The following EDA variants were observed in gnomAD, a reference collection of about 807,000 sequenced individuals.
The protein encoded by EDA is ectodysplasin A, also known as ectodysplasin-A.
Under a neutral mutation model 23.6 loss-of-function variants are expected in EDA, and 2 were observed. The observed-to-expected ratio is 0.08, with a 90% CI of 0.03 to 0.27. EDA has a LOEUF of 0.27. Among genes scored for constraint, EDA ranks in the 10% least tolerant of loss-of-function variants. EDA has a pLI of 1.00. For synonymous variants in EDA, 131 were observed against 132.0 expected (o/e 0.99, Z 0.05); for missense variants, 229 against 324.2 (o/e 0.71, Z 2.26).
At chrX:69,818,299 C>T (rs1343126758) in intron 1 of EDA, among the ~76,000 whole-genome samples, 1 of 111,134 alleles carries the variant, frequency 9.0e-6, no homozygotes, top group African/African-American at 3.3e-5. Context: ...CCTAACATCT[C>T]AACTAAAAGA....
intron 1 of EDA, among the ~76,000 whole-genome samples, chrX:69,765,829 G>A (rs2044854493): frequency 9.0e-6 from 1 of 111,011 alleles, no homozygotes; most frequent in Non-Finnish European, 1.9e-5. Context: ...CCATCACCAC[G>A]AAGATCTCTT....
At chrX:69,643,168 T>A (rs1361307568) in intron 1 of EDA, among the ~76,000 whole-genome samples, 3 of 110,504 alleles carry the variant, frequency 2.7e-5, no homozygotes, top group Non-Finnish European at 3.8e-5. Context: ...CCTCAACAAA[T>A]AATTATTACT....
At chrX:69,752,804 G>A (rs765501378) in intron 1 of EDA, among the ~76,000 whole-genome samples, 1 of 111,726 alleles carries the variant, frequency 9.0e-6, no homozygotes, top group South Asian at 3.8e-4. Flanking sequence ...TTTAGTCTTG[G>A]GAGGGTGTAT....
chrX:69,743,754 G>T (rs1349864639), intron 1 of EDA, among the ~76,000 whole-genome samples: 1 of 111,782 alleles, frequency 8.9e-6, no homozygotes, highest in Non-Finnish European at 1.9e-5. Flanking sequence ...AAGTAAATGT[G>T]TTCAATATCC....
chrX:69,963,706 C>G (rs2019136513), intron 2 of EDA, among the ~76,000 whole-genome samples: 1 of 111,890 alleles, frequency 8.9e-6, no homozygotes, highest in African/African-American at 3.2e-5. Flanking sequence ...ACTTGGTTAA[C>G]AAGCATTTTT....
chrX:69,707,417 T>C (rs1482415782), intron 1 of EDA, among the ~76,000 whole-genome samples: 3 of 112,063 alleles, frequency 2.7e-5, no homozygotes, highest in Non-Finnish European at 5.6e-5. Flanking sequence ...AGTGAGTGAG[T>C]TCATCAGATG....
Position 69,833,287 on chromosome X carries a change from G to A in EDA, c.397-123740G>A, listed in dbSNP as rs781299856. Among the ~76,000 whole-genome samples, 136 of 111,066 alleles carry A rather than the reference G, an allele frequency of 1.2e-3. 1 individual carries two copies. Among genetic ancestry groups the A allele is most frequent in the African/African-American group, 4.0e-3 (124 of 30,785 alleles). ...TTTGTCAAAGGCCTTTTCTGCATCT[G>A]TTGAGATAATCATGTGGTTTTTTTG... On this transcript the variant is annotated intron_variant, in intron 1 of 7. Coordinates refer to ENST00000374552, the MANE Select transcript of EDA (RefSeq NM_001399.5).
chrX:69,905,550 G>A (rs993628538), intron 1 of EDA, among the ~76,000 whole-genome samples: 1 of 111,209 alleles, frequency 9.0e-6, no homozygotes, highest in Non-Finnish European at 1.9e-5. Flanking sequence ...ATTGGGCCAT[G>A]ATGTTATGAT....
intron 1 of EDA, among the ~76,000 whole-genome samples, chrX:69,676,274 C>T (rs1021236123): frequency 7.2e-5 from 8 of 111,479 alleles, no homozygotes; most frequent in African/African-American, 2.6e-4. Context: ...TAGACTGTAG[C>T]AGGGCAAGGG....
At chrX:69,633,932 C>A (rs904595369) in intron 1 of EDA, among the ~76,000 whole-genome samples, 2 of 112,059 alleles carry the variant, frequency 1.8e-5, no homozygotes, top group Admixed American at 9.4e-5. Context: ...TATTGAGGAA[C>A]CACCAAGCTG....
intron 2 of EDA, among the ~76,000 whole-genome samples, chrX:70,012,166 CAT>C (rs1202590324): frequency 3.6e-5 from 4 of 111,787 alleles, no homozygotes; most frequent in African/African-American, 1.3e-4. Context: ...CGAAAGAAAA[CAT>C]ATGGTTACAA....
intron 2 of EDA, among the ~76,000 whole-genome samples, chrX:69,996,650 C>T (rs923074270): frequency 2.7e-5 from 3 of 111,814 alleles, no homozygotes; most frequent in African/African-American, 3.3e-5. Flanking sequence ...GGCCAGCAAC[C>T]GGTCCTCCTC....
chrX:69,789,078 T>C (rs2015311329), intron 1 of EDA, among the ~76,000 whole-genome samples: 1 of 112,165 alleles, frequency 8.9e-6, no homozygotes, highest in Non-Finnish European at 1.9e-5. Context: ...GTCACCCCTT[T>C]CTTTGAGTAG....
chrX:69,855,341 C>T (rs964470430), intron 1 of EDA, among the ~76,000 whole-genome samples: 1 of 111,416 alleles, frequency 9.0e-6, no homozygotes, highest in African/African-American at 3.3e-5. Context: ...TGCTTTTGTT[C>T]CAGTTGCTTT....
chrX:69,691,562 TCA>T (rs1391536433), intron 1 of EDA, among the ~76,000 whole-genome samples: 1 of 112,046 alleles, frequency 8.9e-6, no homozygotes, highest in Non-Finnish European at 1.9e-5. Context: ...TTAATATTAA[TCA>T]TAAATGAAAG....
intron 1 of EDA, among the ~76,000 whole-genome samples, chrX:69,650,357 C>A (rs1933064815): frequency 9.0e-6 from 1 of 111,550 alleles, no homozygotes; most frequent in South Asian, 3.8e-4. Context: ...GCAGAGCCAG[C>A]AAATATATAA....
At chrX:69,670,184 T>TTTC in intron 1 of EDA, 1 of 123,268 alleles carries the variant, frequency 8.1e-6, no homozygotes, top group Non-Finnish European at 1.4e-5. Context: ...TGGCTGACTG[T>TTTC]TTTTTTTTTT....
chrX:69,699,081 G>A (rs969347098), intron 1 of EDA, among the ~76,000 whole-genome samples: 3 of 111,183 alleles, frequency 2.7e-5, no homozygotes, highest in Middle Eastern at 4.7e-3. Context: ...AGGCAGTGGC[G>A]GAGGGACCCC....
chrX:69,674,453 C>G (rs923099210), intron 1 of EDA, among the ~76,000 whole-genome samples: 8 of 112,039 alleles, frequency 7.1e-5, no homozygotes, highest in Non-Finnish European at 1.5e-4. Flanking sequence ...TTTAATAGAT[C>G]ATAAATCACT....
Sources: gnomAD v4.1 joint callset for allele counts (sites outside exome capture counted in the v4.1 genomes callset) on GRCh38, gnomAD v4.1.1 for gene constraint, MANE v1.5 for transcripts, NCBI Gene and HGNC (gene_info 2026-07-23, HGNC 2026-07-21) for gene names.